Variants in MAGI2 observed in about 807,000 individuals in gnomAD.
The protein encoded by MAGI2 is membrane associated guanylate kinase, WW and PDZ domain containing 2.
A neutral mutation model predicts 133.3 loss-of-function variants in MAGI2; 35 were observed. The ratio of observed to expected loss-of-function variants is 0.26; its 90% CI spans 0.20 to 0.35. MAGI2 has a LOEUF of 0.35. Among genes scored for constraint, MAGI2 ranks in the 10% least tolerant of loss-of-function variants. The pLI, the probability that MAGI2 is intolerant of heterozygous loss-of-function variation, is 1.00. For missense variants in MAGI2, 1,636 were observed against 1,863.4 expected, an observed-to-expected ratio of 0.88 and a Z score of 2.25; for synonymous variants, 729 against 710.6, an observed-to-expected ratio of 1.03 and a Z score of -0.41.
intron 15 of MAGI2, among the ~76,000 whole-genome samples, chr7:78,164,848 T>C (rs1825464326): frequency 6.6e-6 from 1 of 152,258 alleles, no homozygotes; most frequent in Non-Finnish European, 1.5e-5. Context: ...TAATGTGCCA[T>C]TAGCTTGAAT....
At chr7:78,023,767 T>C (rs1177458294) in intron 21 of MAGI2, among the ~76,000 whole-genome samples, 1 of 152,192 alleles carries the variant, frequency 6.6e-6, no homozygotes, top group Non-Finnish European at 1.5e-5. Context: ...CAACTTAACA[T>C]AGTTGGCCCT....
chr7:78,828,374 T>C (rs748481458), intron 2 of MAGI2, among the ~76,000 whole-genome samples: 8 of 152,132 alleles, frequency 5.3e-5, no homozygotes, highest in Non-Finnish European at 1.0e-4. Context: ...GTGATGAAAA[T>C]GATGTTTTAC....
intron 2 of MAGI2, among the ~76,000 whole-genome samples, chr7:78,949,815 G>A (rs879399923): frequency 6.6e-6 from 1 of 152,152 alleles, no homozygotes; most frequent in Non-Finnish European, 1.5e-5. Context: ...CCTATAGGGA[G>A]CATAATTGAA....
intron 2 of MAGI2, among the ~76,000 whole-genome samples, chr7:78,742,262 ATC>A (rs1408104942): frequency 3.3e-5 from 5 of 152,020 alleles, no homozygotes; most frequent in East Asian, 1.9e-4. Flanking sequence ...AAGGTTACCA[ATC>A]TCTCTCTTTC....
At chr7:78,354,702 T>A (rs1397292922) in intron 7 of MAGI2, among the ~76,000 whole-genome samples, 1 of 152,044 alleles carries the variant, frequency 6.6e-6, no homozygotes, top group Admixed American at 6.6e-5. Context: ...CAGGAGGAAA[T>A]CAAATATATA....
rs548729895 is a variant in MAGI2, at chr7:78,316,065, T to C, written c.1408+27713A>G. Among the ~76,000 whole-genome samples the C allele has an allele frequency of 6.2e-4, 95 of 152,328 alleles. 1 individual carries two copies. In the South Asian group the frequency reaches 0.019, roughly 31 times the overall value. On this transcript the variant is annotated intron_variant, in intron 9 of 21. Transcript: ENST00000354212. Reference sequence around the variant, plus strand: ...ATCCCAGAGTCCACTGGGAAGTGTCTTAGCTGTCCGTCTGTGAGTGACAGA... The same window carrying C: ...ATCCCAGAGTCCACTGGGAAGTGTCCTAGCTGTCCGTCTGTGAGTGACAGA...
chr7:78,646,018 C>T (rs564808215), intron 2 of MAGI2, among the ~76,000 whole-genome samples: 3 of 152,194 alleles, frequency 2.0e-5, no homozygotes, highest in South Asian at 4.1e-4. Flanking sequence ...GGATTACAGG[C>T]GTGAGGCACT....
intron 2 of MAGI2, among the ~76,000 whole-genome samples, chr7:78,699,930 C>A (rs1350414327): frequency 6.6e-6 from 1 of 151,994 alleles, no homozygotes; most frequent in East Asian, 1.9e-4. Context: ...GTAAGTCCCC[C>A]ATTTGAGAAG....
At chr7:78,244,356 CAG>C (rs1791531104) in intron 10 of MAGI2, among the ~76,000 whole-genome samples, 1 of 151,776 alleles carries the variant, frequency 6.6e-6, no homozygotes, top group African/African-American at 2.4e-5. Context: ...CCTGGCAAGA[CAG>C]AAACTCTAAA....
chr7:78,116,359 A>AG (rs1392161189), intron 20 of MAGI2, among the ~76,000 whole-genome samples: 1 of 5,066 alleles, frequency 2.0e-4, no homozygotes, highest in Non-Finnish European at 9.2e-4. Flanking sequence ...CCAACTTAGG[A>AG]AAAAAAAAAA....
intron 1 of MAGI2, among the ~76,000 whole-genome samples, chr7:79,244,887 C>G (rs187226703): frequency 7.9e-5 from 12 of 152,260 alleles, no homozygotes; most frequent in Admixed American, 6.5e-4. Flanking sequence ...GTAAAGAGGA[C>G]TTTGTCTTAC....
chr7:78,931,305 G>A (rs1800102137), intron 2 of MAGI2, among the ~76,000 whole-genome samples: 1 of 152,006 alleles, frequency 6.6e-6, no homozygotes, highest in Non-Finnish European at 1.5e-5. Context: ...AAGATATGTA[G>A]TCGACATTAC....
chr7:78,507,344 T>A (rs760818045), intron 4 of MAGI2, among the ~76,000 whole-genome samples: 8 of 152,148 alleles, frequency 5.3e-5, no homozygotes, highest in Non-Finnish European at 8.8e-5. Context: ...TCATTGGCAG[T>A]GTGGAACCAG....
intron 9 of MAGI2, among the ~76,000 whole-genome samples, chr7:78,298,535 ACT>A (rs1327608603): frequency 2.6e-5 from 4 of 152,184 alleles, no homozygotes; most frequent in African/African-American, 7.2e-5. Context: ...TGAGACAGAA[ACT>A]CTGTCACCCA....
At chr7:78,342,130 T>A (rs1303702325) in intron 9 of MAGI2, among the ~76,000 whole-genome samples, 3 of 151,204 alleles carry the variant, frequency 2.0e-5, no homozygotes, top group Non-Finnish European at 3.0e-5. Context: ...AAAAACCCTA[T>A]GAAAAAGTGG....
At chr7:78,102,671 C>T (rs1818306416) in intron 20 of MAGI2, among the ~76,000 whole-genome samples, 1 of 152,168 alleles carries the variant, frequency 6.6e-6, no homozygotes, top group South Asian at 2.1e-4. Context: ...TCATCTTAGG[C>T]TCACCAAAAG....
At chr7:78,024,157 C>G (rs1333177056) in intron 21 of MAGI2, among the ~76,000 whole-genome samples, 1 of 152,178 alleles carries the variant, frequency 6.6e-6, no homozygotes, top group Non-Finnish European at 1.5e-5. Flanking sequence ...CAGGACACCC[C>G]ATTCTCCTGC....
intron 21 of MAGI2, among the ~76,000 whole-genome samples, chr7:78,049,458 C>A (rs1197838032): frequency 6.6e-6 from 1 of 152,208 alleles, no homozygotes; most frequent in Non-Finnish European, 1.5e-5. Context: ...GTCTATTGTA[C>A]TGCTCAGCCA....
chr7:79,440,517 G>T (rs1400955185), intron 1 of MAGI2, among the ~76,000 whole-genome samples: 8 of 152,008 alleles, frequency 5.3e-5, no homozygotes. Context: ...CCTAGAATTT[G>T]ACTGAGCCTA....
Sources: allele counts gnomAD v4.1 joint callset (sites outside exome capture counted in the v4.1 genomes callset), GRCh38; gene constraint gnomAD v4.1.1; transcripts MANE v1.5; gene names NCBI Gene and HGNC (gene_info 2026-07-23, HGNC 2026-07-21).